Variants in MEIS2 observed in about 807,000 individuals in gnomAD.
MEIS2 encodes Meis homeobox 2, also known as homeobox protein Meis2.
A neutral mutation model predicts 58.6 loss-of-function variants in MEIS2; 9 were observed. The ratio of observed to expected loss-of-function variants is 0.15; its 90% confidence interval spans 0.09 to 0.27. MEIS2 has a LOEUF of 0.27. Among genes scored for constraint, MEIS2 ranks in the 10% least tolerant of loss-of-function variants. The pLI, the probability that MEIS2 is intolerant of heterozygous loss-of-function variation, is 1.00. For missense variants in MEIS2, 427 were observed against 635.0 expected, an observed-to-expected ratio of 0.67 and a Z score of 3.52; for synonymous variants, 221 against 228.4, an observed-to-expected ratio of 0.97 and a Z score of 0.29.
Position 36,975,922 on chromosome 15 carries a change from G to A in MEIS2, c.901-25522C>T, listed in dbSNP as rs910425243. 2.0e-4 allele frequency among the ~76,000 whole-genome samples: 31 copies of A among 152,068 alleles called. 1 individual carries two copies. Among genetic ancestry groups the A allele is most frequent in the Admixed American group, 9.8e-4 (15 of 15,268 alleles). On this transcript the variant is annotated intron_variant, in intron 8 of 11. Coordinates refer to ENST00000561208, the MANE Select transcript of MEIS2 (RefSeq NM_170675.5). ...AGGGAATGCATATATTAATTGGTGGGTTTAGCCATTCCACAATGTATATGT... is the reference window on the plus strand; with the variant it reads ...AGGGAATGCATATATTAATTGGTGGATTTAGCCATTCCACAATGTATATGT...
chr15:36,982,665 C>T (rs558552556), intron 8 of MEIS2, among the ~76,000 whole-genome samples: 2 of 152,138 alleles, frequency 1.3e-5, no homozygotes, highest in Admixed American at 1.3e-4. Context: ...TGGATATATT[C>T]CCAGAAATGA....
At chr15:37,003,906 C>T (rs1037564440) in intron 8 of MEIS2, among the ~76,000 whole-genome samples, 8 of 152,154 alleles carry the variant, frequency 5.3e-5, no homozygotes, top group African/African-American at 9.7e-5. Flanking sequence ...GGAAGTAAGC[C>T]GTCACCAGAC....
chr15:36,925,771 C>G (rs1240506710), intron 9 of MEIS2, among the ~76,000 whole-genome samples: 2 of 152,164 alleles, frequency 1.3e-5, no homozygotes, highest in Non-Finnish European at 2.9e-5. Flanking sequence ...TAGCCGTGGT[C>G]TTTCCATCTT....
chr15:37,095,515 C>A (rs1369824118), intron 4 of MEIS2, 49 bp downstream of exon 4: 2 of 1,613,686 alleles, frequency 1.2e-6, no homozygotes, highest in Non-Finnish European at 1.7e-6. Context: ...TGCTTCTGGG[C>A]ATGGGAGAGG....
At chr15:36,961,463 G>T (rs2059178960) in intron 8 of MEIS2, among the ~76,000 whole-genome samples, 2 of 151,976 alleles carry the variant, frequency 1.3e-5, no homozygotes, top group Non-Finnish European at 1.5e-5. Context: ...TTAACCTTTT[G>T]CCACCATAAT....
intron 7 of MEIS2, among the ~76,000 whole-genome samples, chr15:37,043,338 T>A (rs2062513045): frequency 6.6e-6 from 1 of 152,204 alleles, no homozygotes; most frequent in Non-Finnish European, 1.5e-5. Context: ...AACATTTTCA[T>A]TTTGCACAAT....
intron 9 of MEIS2, among the ~76,000 whole-genome samples, chr15:36,945,505 C>T (rs1034767815): frequency 6.6e-6 from 1 of 152,022 alleles, no homozygotes; most frequent in Non-Finnish European, 1.5e-5. Flanking sequence ...ATGAGCCTTC[C>T]TGAAGGGAAA....
intron 8 of MEIS2, among the ~76,000 whole-genome samples, chr15:37,030,126 A>C (rs927328835): frequency 5.3e-5 from 8 of 152,226 alleles, no homozygotes; most frequent in African/African-American, 1.9e-4. Context: ...CAAATGGTGA[A>C]AGAGAGCATT....
intron 8 of MEIS2, among the ~76,000 whole-genome samples, chr15:36,971,580 T>G (rs541115392): frequency 2.6e-3 from 218 of 85,320 alleles, no homozygotes; most frequent in African/African-American, 0.011. Flanking sequence ...GTTCCAGTGA[T>G]AGCAAGCATT....
intron 8 of MEIS2, among the ~76,000 whole-genome samples, chr15:36,986,320 G>C (rs1844762570): frequency 6.6e-6 from 1 of 152,176 alleles, no homozygotes; most frequent in Non-Finnish European, 1.5e-5. Flanking sequence ...TTCAGATGCT[G>C]AAACTGGGAT....
At chr15:37,037,019 C>T in intron 7 of MEIS2, 60 bp from the exon 8 acceptor site, 1 of 1,510,604 alleles carries the variant, frequency 6.6e-7, no homozygotes, top group Non-Finnish European at 9.0e-7. Context: ...ACAACAAGTG[C>T]AGCTAATGAT....
intron 8 of MEIS2, among the ~76,000 whole-genome samples, chr15:37,035,087 A>C (rs890690146): frequency 3.3e-5 from 5 of 152,186 alleles, no homozygotes; most frequent in African/African-American, 1.2e-4. Flanking sequence ...AAGACCAAGC[A>C]TGGAGGAGGA....
chr15:37,027,087 C>T lies in MEIS2; in HGVS notation c.900+9727G>A, dbSNP rs150379575. On this transcript the variant is annotated intron_variant, in intron 8 of 11. Transcript: ENST00000561208. ...GCCAATCAATTTAGAAAGTGGCACA[C>T]AGCACCTAAATGTAATAAGGCAAAC... 2.4e-3 allele frequency among the ~76,000 whole-genome samples: 360 copies of T among 152,290 alleles called. 12 individuals carry two copies. Among genetic ancestry groups the T allele is most frequent in the Admixed American group, 0.019 (298 of 15,290 alleles).
intron 6 of MEIS2, 36 bp downstream of exon 6, chr15:37,093,545 T>A (rs761520727): frequency 3.1e-6 from 5 of 1,610,688 alleles, no homozygotes; most frequent in Non-Finnish European, 4.2e-6. Context: ...CTTTGCCCAG[T>A]GGCCTTAAAA....
intron 6 of MEIS2, among the ~76,000 whole-genome samples, chr15:37,090,463 A>G (rs1255331346): frequency 6.6e-6 from 1 of 152,130 alleles, no homozygotes; most frequent in African/African-American, 2.4e-5. Flanking sequence ...TGTGAACAGG[A>G]TTTACTAATA....
At chr15:37,010,598 C>T (rs1040195137) in intron 8 of MEIS2, among the ~76,000 whole-genome samples, 11 of 152,120 alleles carry the variant, frequency 7.2e-5, no homozygotes, top group Admixed American at 1.3e-4. Context: ...GGCTGGCCCT[C>T]GAACTCCTGG....
At chr15:36,967,844 C>T (rs186207888) in intron 8 of MEIS2, among the ~76,000 whole-genome samples, 2 of 152,200 alleles carry the variant, frequency 1.3e-5, no homozygotes, top group Non-Finnish European at 2.9e-5. Flanking sequence ...TACCTCTCCT[C>T]CCCATGAATT....
In MEIS2 at chr15:36,995,956, GATATATATAT is replaced by G. The variant is rs539738718; in HGVS notation, c.900+40848_900+40857del. Among the ~76,000 whole-genome samples, 329 of 112,870 alleles carry G rather than the reference GATATATATAT, an allele frequency of 2.9e-3. 1 individual carries two copies. The highest frequency in any genetic ancestry group is 0.01 in the African/African-American group (311 of 30,016). 74.0% of individuals were successfully genotyped at this position (112,870 alleles called of 152,430 possible). A position where few individuals can be genotyped will look rare whatever the true frequency, so the allele number is the denominator to read the frequency against. On this transcript the variant is annotated intron_variant, in intron 8 of 11. Transcript: ENST00000561208. ...TAGTTAACCATTTCCTCTAGTCTGA[GATATATATAT>G]ATATATATATATATATATATATATA...
rs1162839567 is a variant in MEIS2 at position 37,100,463 on chromosome 15, C to G, written c.-997G>C. 6 of 152,470 alleles carry G rather than the reference C, an allele frequency of 3.9e-5. No individual in the cohort carries two copies. Among genetic ancestry groups the G allele is most frequent in the Admixed American group, 2.6e-4 (4 of 15,262 alleles). The allele number at this position is 152,470 out of a possible 1,614,324, so 9.4% of individuals were successfully genotyped here. On this transcript the variant is annotated 5_prime_UTR_variant, in exon 1 of 12. Coordinates refer to ENST00000561208, the MANE Select transcript of MEIS2 (RefSeq NM_170675.5). Reference sequence around the variant, plus strand: ...CCCGGAAGTCGTGGTGGCCATAGCCCGTCGTACGGCGGAGACACATCCCGG... The same window carrying G: ...CCCGGAAGTCGTGGTGGCCATAGCCGGTCGTACGGCGGAGACACATCCCGG...
Sources: gnomAD v4.1 joint callset for allele counts (sites outside exome capture counted in the v4.1 genomes callset) on GRCh38, gnomAD v4.1.1 for gene constraint, MANE v1.5 for transcripts, NCBI Gene and HGNC (gene_info 2026-07-23, HGNC 2026-07-21) for gene names.